Variants in SANBR observed in about 807,000 individuals in gnomAD.
The protein encoded by SANBR is SANT and BTB domain regulator of class switch recombination.
A neutral mutation model predicts 101.8 loss-of-function variants in SANBR; 77 were observed. That is an observed-to-expected ratio of 0.76 (90% CI 0.63 to 0.91). The LOEUF is 0.91. Ranked by LOEUF, SANBR falls within the 40% of genes least tolerant of loss-of-function variation. SANBR has a pLI of 0.00. For missense variants in SANBR, 875 were observed against 853.0 expected (o/e 1.03, Z -0.32); for synonymous variants, 279 against 274.7 (o/e 1.02, Z -0.15).
At chr2:61,137,134 G>A (rs1364512858) in intron 21 of SANBR, among the ~76,000 whole-genome samples, 3 of 151,510 alleles carry the variant, frequency 2.0e-5, no homozygotes, top group East Asian at 1.9e-4. Context: ...AAAAATTAGC[G>A]GGGCATGGTG....
intron 5 of SANBR, 63 bp downstream of exon 5, chr2:61,073,614 A>T: frequency 1.1e-6 from 1 of 907,640 alleles, no homozygotes; most frequent in Non-Finnish European, 1.7e-6. Flanking sequence ...AAAATATATG[A>T]TTGGTGGTTA....
chr2:61,135,830 G>A (rs1684823996), intron 21 of SANBR, among the ~76,000 whole-genome samples: 1 of 152,106 alleles, frequency 6.6e-6, no homozygotes, highest in Non-Finnish European at 1.5e-5. Flanking sequence ...AAAAGGGAAA[G>A]AAAGCAGAAA....
downstream of SANBR, among the ~76,000 whole-genome samples, chr2:61,125,854 G>T (rs1684499480): frequency 6.6e-6 from 1 of 152,134 alleles, no homozygotes; most frequent in South Asian, 2.1e-4. Flanking sequence ...ATTCAGTGAG[G>T]CATAGTAAAC....
At chr2:61,127,972 G>C (rs908169817), downstream of SANBR, among the ~76,000 whole-genome samples, 7 of 152,120 alleles carry the variant, frequency 4.6e-5, no homozygotes, top group Admixed American at 1.3e-4. Flanking sequence ...GAAGAAGCAA[G>C]AGAAAAATCC....
chr2:61,134,597 T>A (rs890716390), intron 21 of SANBR, among the ~76,000 whole-genome samples: 3 of 152,216 alleles, frequency 2.0e-5, no homozygotes, highest in Non-Finnish European at 4.4e-5. Context: ...ATTAGAAATA[T>A]TAGAAATATA....
downstream of SANBR, among the ~76,000 whole-genome samples, chr2:61,126,135 C>T (rs957420638): frequency 6.6e-6 from 1 of 152,200 alleles, no homozygotes; most frequent in African/African-American, 2.4e-5. Flanking sequence ...CCCATTCCTG[C>T]CCCCAAACTC....
intron 6 of SANBR, among the ~76,000 whole-genome samples, chr2:61,080,730 CA>C (rs1046290325): frequency 3.9e-4 from 59 of 150,856 alleles, no homozygotes; most frequent in African/African-American, 1.4e-3. Context: ...AAAAAAAAAA[CA>C]ACAACAAAAA....
At position 61,124,185 on chromosome 2, in the gene SANBR, CT is replaced by C; in HGVS notation, c.*2025del. Reference sequence around the variant, plus strand: ...GTACCGCAAACATTTTACTTAAACTCTTAATAGCATTTCTTTCGCCAGATAC... The same window carrying C: ...GTACCGCAAACATTTTACTTAAACTCTAATAGCATTTCTTTCGCCAGATAC... On this transcript the variant is annotated 3_prime_UTR_variant, in exon 22 of 22. Transcript: ENST00000402291. 1.0e-6 allele frequency: 1 copy of C among 980,984 alleles called. No individual in the cohort carries two copies. The highest frequency in any genetic ancestry group is 1.2e-6 in the Non-Finnish European group (1 of 825,774). 60.8% of individuals were successfully genotyped at this position (980,984 alleles called of 1,614,324 possible). A position where few individuals can be genotyped will look rare whatever the true frequency, so the allele number is the denominator to read the frequency against.
At position 61,123,531 on chromosome 2, in the gene SANBR, G is replaced by A. The variant is rs959754563; in HGVS notation, c.*1369G>A. ...ACTGTGGAAATAGACTTTTATTTTCGAAAGAAAATGTCTTGTAGTACATAT... is the reference window on the plus strand; with the variant it reads ...ACTGTGGAAATAGACTTTTATTTTCAAAAGAAAATGTCTTGTAGTACATAT... On this transcript the variant is annotated 3_prime_UTR_variant, in exon 22 of 22. Transcript: ENST00000402291. 2 of 966,304 alleles carry A rather than the reference G, an allele frequency of 2.1e-6. No individual in the cohort carries two copies. The highest frequency in any genetic ancestry group is 2.5e-6 in the Non-Finnish European group (2 of 812,808). 59.9% of individuals were successfully genotyped at this position (966,304 alleles called of 1,614,324 possible). A position where few individuals can be genotyped will look rare whatever the true frequency, so the allele number is the denominator to read the frequency against.
chr2:61,124,701 A>G (rs551229596), downstream of SANBR, among the ~76,000 whole-genome samples: 2 of 145,976 alleles, frequency 1.4e-5, no homozygotes, highest in South Asian at 4.2e-4. Context: ...ACAAGACCCT[A>G]TCAAAAAAAA....
Position 61,104,005 on chromosome 2 carries a change from G to C in SANBR, c.1511+7G>C, listed in dbSNP as rs753858904. Reference sequence around the variant, plus strand: ...TTTCAAAAGATACAGTTAGGTGAGGGGTGGAAAAACCCAACACTGTATTAT... The same window carrying C: ...TTTCAAAAGATACAGTTAGGTGAGGCGTGGAAAAACCCAACACTGTATTAT... On this transcript the variant is annotated splice_region_variant and intron_variant, in intron 13 of 21. Transcript: ENST00000402291. 7 of 1,612,800 alleles carry C rather than the reference G, an allele frequency of 4.3e-6. No homozygotes were observed. Among genetic ancestry groups the C allele is most frequent in the Admixed American group, 3.3e-5 (2 of 59,868 alleles).
At chr2:61,101,417 A>G (rs1171687339) in intron 12 of SANBR, among the ~76,000 whole-genome samples, 1 of 152,220 alleles carries the variant, frequency 6.6e-6, no homozygotes, top group Non-Finnish European at 1.5e-5. Context: ...CGAGCAAAAT[A>G]TATTTCTTTG....
intron 6 of SANBR, among the ~76,000 whole-genome samples, chr2:61,078,855 A>G (rs1280776734): frequency 6.6e-6 from 1 of 150,714 alleles, no homozygotes; most frequent in Non-Finnish European, 1.5e-5. Context: ...CCTGGCCAAC[A>G]TGGCAAAACC....
At chr2:61,078,186 G>A (rs1681893727) in intron 6 of SANBR, among the ~76,000 whole-genome samples, 1 of 152,148 alleles carries the variant, frequency 6.6e-6, no homozygotes, top group African/African-American at 2.4e-5. Flanking sequence ...AGTCATGCGT[G>A]AGTGAAAGAT....
In SANBR at chr2:61,088,143, C is replaced by G. The variant is rs766097365; in HGVS notation, c.891-16C>G. The G allele has an allele frequency of 4.7e-6, 7 of 1,475,906 alleles. No individual in the cohort carries two copies. In the Admixed American group the frequency reaches 1.3e-4, roughly 28 times the overall value. 91.4% of individuals were successfully genotyped at this position (1,475,906 alleles called of 1,614,324 possible). The stretch of plus-strand genomic sequence containing the variant: ...TAGTGTAGAAAATTAATATTTTGGT[C>G]ATTTGTTGTTAATAGCAAACTTTTT... On this transcript the variant is annotated splice_polypyrimidine_tract_variant and intron_variant, in intron 8 of 21. Transcript: ENST00000402291.
intron 5 of SANBR, among the ~76,000 whole-genome samples, chr2:61,076,098 A>G (rs1189394168): frequency 1.3e-5 from 2 of 151,558 alleles, no homozygotes; most frequent in African/African-American, 2.4e-5. Context: ...AGTTCACACC[A>G]TTCTCCTGCC....
At chr2:61,085,604 A>C (rs2104884340) in intron 8 of SANBR, among the ~76,000 whole-genome samples, 1 of 151,906 alleles carries the variant, frequency 6.6e-6, no homozygotes, top group Middle Eastern at 3.4e-3. Context: ...GCCGCCTCCC[A>C]GGTTCAAGCA....
chr2:61,092,502 T>A lies in SANBR; in HGVS notation c.1127T>A (p.Leu376His). ...GATGTTCATGAGTATTTGAATAGTC[T>A]TTTCGAAGAATTAAAATCTTGGAGA... Reference protein sequence around the residue: ...TWDVHEYLNSLFEELKSWRDV... With the variant: ...TWDVHEYLNSHFEELKSWRDV... The change falls in exon 11 of 22, where the codon CTT becomes CAT. Residue 376 changes from leucine to histidine, a missense_variant. Transcript: ENST00000402291. 1 of 1,604,322 alleles carries A rather than the reference T, an allele frequency of 6.2e-7. No individual in the cohort carries two copies. The highest frequency in any genetic ancestry group is 8.5e-7 in the Non-Finnish European group (1 of 1,175,524).
intron 12 of SANBR, among the ~76,000 whole-genome samples, chr2:61,101,068 G>A: frequency 6.6e-6 from 1 of 152,104 alleles, no homozygotes; most frequent in East Asian, 1.9e-4. Context: ...TTTGCAATCG[G>A]TCACCAACTT....
Sources: gnomAD v4.1 joint callset for allele counts (sites outside exome capture counted in the v4.1 genomes callset) on GRCh38, gnomAD v4.1.1 for gene constraint, MANE v1.5 for transcripts, NCBI Gene and HGNC (gene_info 2026-07-23, HGNC 2026-07-21) for gene names.